The following INSR variants were observed in gnomAD, a reference collection of about 807,000 sequenced individuals.
The protein encoded by INSR is IR.
Under a neutral mutation model 142.6 loss-of-function variants are expected in INSR, and 67 were observed. That is an observed-to-expected ratio of 0.47 (90% CI 0.39 to 0.58). The LOEUF is 0.58. INSR is among the 20% of genes least tolerant of loss of function. The pLI is 0.00. For missense variants in INSR, 1,248 were observed against 1,833.2 expected, an observed-to-expected ratio of 0.68 and a Z score of 5.83; for synonymous variants, 756 against 743.1, an observed-to-expected ratio of 1.02 and a Z score of -0.28.
chr19:7,130,088 C>T (rs1025813857), intron 14 of INSR, among the ~76,000 whole-genome samples: 5 of 152,166 alleles, frequency 3.3e-5, no homozygotes, highest in African/African-American at 1.2e-4. Context: ...GTGCCAGGCA[C>T]TTAACATTTG....
intron 1 of INSR, chr19:7,268,721 G>T (rs1002001451): frequency 3.4e-5 from 15 of 444,484 alleles, no homozygotes; most frequent in African/African-American, 3.0e-4. Context: ...ACTAATGTCA[G>T]CTATTTTGTT....
At chr19:7,282,637 G>A (rs1158654809) in intron 1 of INSR, among the ~76,000 whole-genome samples, 9 of 150,082 alleles carry the variant, frequency 6.0e-5, no homozygotes, top group South Asian at 4.3e-4. Context: ...AGCTGAGATC[G>A]TGACACTGCA....
At chr19:7,240,709 A>G (rs1389313114) in intron 2 of INSR, among the ~76,000 whole-genome samples, 1 of 152,206 alleles carries the variant, frequency 6.6e-6, no homozygotes, top group Admixed American at 6.5e-5. Flanking sequence ...GAGCGCCGAC[A>G]TGATAGCAGT....
intron 2 of INSR, among the ~76,000 whole-genome samples, chr19:7,208,382 A>G (rs1340422441): frequency 6.6e-6 from 1 of 152,164 alleles, no homozygotes; most frequent in East Asian, 1.9e-4. Flanking sequence ...AGAGTTCTAC[A>G]GGATACAAAG....
intron 2 of INSR, among the ~76,000 whole-genome samples, chr19:7,258,451 C>A (rs1976961729): frequency 7.6e-6 from 1 of 131,732 alleles, no homozygotes; most frequent in South Asian, 2.3e-4. Context: ...GCTCATAGGT[C>A]ATACAAAAAT....
At chr19:7,238,827 G>C (rs1291865176) in intron 2 of INSR, among the ~76,000 whole-genome samples, 1 of 151,682 alleles carries the variant, frequency 6.6e-6, no homozygotes, top group Non-Finnish European at 1.5e-5. Context: ...AATCAGGAAG[G>C]GGTGGGCTTC....
chr19:7,265,069 C>T (rs944995808), intron 2 of INSR, among the ~76,000 whole-genome samples: 3 of 152,190 alleles, frequency 2.0e-5, no homozygotes, highest in African/African-American at 7.2e-5. Context: ...AACCCTCAAG[C>T]CACCCACTTA....
chr19:7,161,803 C>T (rs1290130516), intron 9 of INSR, among the ~76,000 whole-genome samples: 1 of 152,088 alleles, frequency 6.6e-6, no homozygotes, highest in Non-Finnish European at 1.5e-5. Flanking sequence ...AGGAGAAAAT[C>T]CCAGAGGGAA....
intron 1 of INSR, among the ~76,000 whole-genome samples, chr19:7,279,812 C>CAA (rs529299496): frequency 2.2e-5 from 3 of 138,330 alleles, no homozygotes; most frequent in Non-Finnish European, 1.6e-5. Context: ...CCATCTCTAC[C>CAA]AAAAAAAAAA....
chr19:7,132,697 T>C (rs1972817034), intron 13 of INSR, among the ~76,000 whole-genome samples: 1 of 151,862 alleles, frequency 6.6e-6, no homozygotes, highest in Non-Finnish European at 1.5e-5. Flanking sequence ...GTTCAAGTGA[T>C]TCTCCTGCCT....
chr19:7,164,092 TAAAAAAAA>T (rs4031077), intron 8 of INSR, among the ~76,000 whole-genome samples: 2 of 80,276 alleles, frequency 2.5e-5, no homozygotes, highest in African/African-American at 4.8e-5. Context: ...GAAACTCCGT[TAAAAAAAA>T]AAAAAAAAAA....
chr19:7,273,094 T>C (rs1967969040), intron 1 of INSR, among the ~76,000 whole-genome samples: 1 of 152,204 alleles, frequency 6.6e-6, no homozygotes, highest in South Asian at 2.1e-4. Flanking sequence ...ACTGTAAATG[T>C]CCTCAAAACC....
chr19:7,219,453 GAA>G (rs1975530331), intron 2 of INSR, among the ~76,000 whole-genome samples: 3 of 94,176 alleles, frequency 3.2e-5, no homozygotes, highest in Admixed American at 1.3e-4. Context: ...CAGAGAGAAA[GAA>G]GAGAGAGAGA....
intron 2 of INSR, among the ~76,000 whole-genome samples, chr19:7,262,946 G>A (rs1044628979): frequency 2.6e-5 from 4 of 152,174 alleles, no homozygotes; most frequent in Non-Finnish European, 4.4e-5. Flanking sequence ...AAAACCACGT[G>A]AACGTGCTTA....
chr19:7,221,829 A>C (rs1975628722), intron 2 of INSR, among the ~76,000 whole-genome samples: 2 of 152,010 alleles, frequency 1.3e-5, no homozygotes, highest in African/African-American at 4.8e-5. Flanking sequence ...CAGCTACTCC[A>C]GGCCCCCCGT....
chr19:7,260,145 G>A (rs1006718908), intron 2 of INSR, among the ~76,000 whole-genome samples: 22 of 152,162 alleles, frequency 1.4e-4, no homozygotes, highest in Admixed American at 3.3e-4. Context: ...ATTTAAATAC[G>A]TGATATTTAA....
Position 7,115,606 on chromosome 19 carries a change from G to A in INSR, c.*1450C>T, listed in dbSNP as rs1292017674. ...AAGTCCATCCAGGTTGTTGTGCTTT[G>A]GGATCTGACGTTCTTGGGTTTGCAC... is the stretch of plus-strand genomic sequence containing the variant. On this transcript the variant is annotated 3_prime_UTR_variant, in exon 22 of 22. Coordinates refer to ENST00000302850, the MANE Select transcript of INSR (RefSeq NM_000208.4). 6.6e-6 allele frequency: 1 copy of A among 151,344 alleles called. No individual in the cohort carries two copies. The highest frequency in any genetic ancestry group is 1.5e-5 in the Non-Finnish European group (1 of 67,994). The allele number at this position is 151,344 out of a possible 1,614,324, so 9.4% of individuals were successfully genotyped here.
rs55712056 is a variant in INSR at position 7,257,527 on chromosome 19, C to CAAAAA, written c.652+9813_652+9817dup. Among the ~76,000 whole-genome samples the CAAAAA allele has an allele frequency of 5.9e-5, 5 of 85,186 alleles. No individual in the cohort carries two copies. In the East Asian group the frequency reaches 1.5e-3, roughly 26 times the overall value. 55.9% of individuals were successfully genotyped at this position (85,186 alleles called of 152,430 possible). ...CCTCCTCCACCCAAACAGAGAGCTCCAAAAAAAAAAAAAAAAAATGCTAAT... is the reference window on the plus strand; with the variant it reads ...CCTCCTCCACCCAAACAGAGAGCTCCAAAAAAAAAAAAAAAAAAAAAAATGCTAAT... On this transcript the variant is annotated intron_variant, in intron 2 of 21. Transcript: ENST00000302850.
chr19:7,192,116 GAA>G lies in INSR; in HGVS notation c.653-7481_653-7480del, dbSNP rs1974611016. On this transcript the variant is annotated intron_variant, in intron 2 of 21. Transcript: ENST00000302850. This position sits in a 1 kb window ranked among gnomAD's most constrained non-coding sequence, Gnocchi z 4.2. ...GAATACAGAAAGAGAAAAAAGAAAA[GAA>G]AGAGGGAGAAAGAAGAAAGATAAGA... is the stretch of plus-strand genomic sequence containing the variant. 7.1e-6 allele frequency among the ~76,000 whole-genome samples: 1 copy of G among 141,746 alleles called. No individual in the cohort carries two copies. Among genetic ancestry groups the G allele is most frequent in the African/African-American group, 2.6e-5 (1 of 38,000 alleles). The allele number at this position is 141,746 out of a possible 152,430, so 93.0% of individuals were successfully genotyped here.
Sources: gnomAD v4.1 joint callset for allele counts (sites outside exome capture counted in the v4.1 genomes callset) on GRCh38, gnomAD v4.1.1 for gene constraint, Gnocchi (gnomAD v3.1) non-coding constraint, MANE v1.5 for transcripts, NCBI Gene and HGNC (gene_info 2026-07-23, HGNC 2026-07-21) for gene names.